The following CARMIL1 variants were observed in gnomAD, a reference collection of about 807,000 sequenced individuals.
CARMIL1 encodes capping protein regulator and myosin 1 linker 1.
Under a neutral mutation model 177.1 loss-of-function variants are expected in CARMIL1, and 90 were observed. The ratio of observed to expected loss-of-function variants is 0.51; its 90% confidence interval spans 0.43 to 0.61. The LOEUF (loss-of-function observed/expected upper bound fraction) is 0.61, where lower values mean the gene tolerates loss of function less well. Among genes scored for constraint, CARMIL1 ranks in the 20% least tolerant of loss-of-function variants. The probability of loss-of-function intolerance (pLI) is 0.00; values close to 1 mark genes in which losing one functional copy is unlikely to be tolerated. For synonymous variants in CARMIL1, 577 were observed against 606.2 expected (o/e 0.95, Z 0.71); for missense variants, 1,380 against 1,667.0 (o/e 0.83, Z 3.00).
intron 29 of CARMIL1, among the ~76,000 whole-genome samples, chr6:25,579,257 A>AGG (rs771739584): frequency 1.9e-5 from 1 of 52,182 alleles, no homozygotes; most frequent in Non-Finnish European, 3.7e-5. Flanking sequence ...ATCAAGAGTC[A>AGG]GGAAAAAAAA....
intron 16 of CARMIL1, among the ~76,000 whole-genome samples, chr6:25,496,435 ACCACTGCCAGCCTGG>A (rs951532468): frequency 2.1e-5 from 3 of 141,164 alleles, no homozygotes; most frequent in African/African-American, 5.2e-5. Flanking sequence ...CTGAGATTGC[ACCACTGCCAGCCTGG>A]CAACAGAGTG....
chr6:25,320,394 C>T lies in CARMIL1; in HGVS notation c.138+35485C>T, dbSNP rs144820944. ...GAGTGGCTGAATAATGTAACAGAGACTTCAGAAGTAAGGAAAATGGTTGTC... is the reference window on the plus strand; with the variant it reads ...GAGTGGCTGAATAATGTAACAGAGATTTCAGAAGTAAGGAAAATGGTTGTC... On this transcript the variant is annotated intron_variant, in intron 2 of 36. Transcript: ENST00000329474. Among the ~76,000 whole-genome samples the T allele has an allele frequency of 2.0e-5, 3 of 152,318 alleles. No homozygotes were observed. In the East Asian group the frequency reaches 5.8e-4, roughly 29 times the overall value.
At chr6:25,613,187 G>A (rs868307326) in intron 36 of CARMIL1, among the ~76,000 whole-genome samples, 1 of 152,156 alleles carries the variant, frequency 6.6e-6, no homozygotes, top group African/African-American at 2.4e-5. Flanking sequence ...ATTGGGGTTA[G>A]GCTTCCTATT....
chr6:25,320,191 T>C (rs1162577582), intron 2 of CARMIL1, among the ~76,000 whole-genome samples: 1 of 152,190 alleles, frequency 6.6e-6, no homozygotes, highest in Non-Finnish European at 1.5e-5. Flanking sequence ...CACCCCTCTG[T>C]CTACATTAGA....
At chr6:25,436,789 ATC>A (rs1181840982) in intron 5 of CARMIL1, among the ~76,000 whole-genome samples, 1 of 152,174 alleles carries the variant, frequency 6.6e-6, no homozygotes, top group African/African-American at 2.4e-5. Flanking sequence ...TTCTCTGATT[ATC>A]AGGGTAGCTG....
At chr6:25,565,409 A>C (rs1811468337) in intron 29 of CARMIL1, among the ~76,000 whole-genome samples, 2 of 152,224 alleles carry the variant, frequency 1.3e-5, no homozygotes, top group Admixed American at 1.3e-4. Context: ...GGGGCTCAGT[A>C]GTCAAGTCTG....
chr6:25,520,439 TAA>T lies in CARMIL1; in HGVS notation c.1968+104_1968+105del, dbSNP rs1806436834. 7 of 680,082 alleles carry T rather than the reference TAA, an allele frequency of 1.0e-5. No individual in the cohort carries two copies. The African/African-American group carries it at 1.1e-4, about 11-fold the overall frequency. The allele number at this position is 680,082 out of a possible 1,614,324, so 42.1% of individuals were successfully genotyped here. ...ACTTTGTTATTTTACGAAGTTTTTT[TAA>T]ATTTTATTTTATTTTTTCACATTGT... On this transcript the variant is annotated intron_variant, in intron 23 of 36. Transcript: ENST00000329474.
intron 2 of CARMIL1, among the ~76,000 whole-genome samples, chr6:25,392,525 C>A (rs1792969635): frequency 6.6e-6 from 1 of 152,194 alleles, no homozygotes; most frequent in Non-Finnish European, 1.5e-5. Flanking sequence ...CTACTTCCTT[C>A]AGCTTTTCCT....
intron 29 of CARMIL1, among the ~76,000 whole-genome samples, chr6:25,560,036 C>A (rs214055): frequency 6.6e-6 from 1 of 151,954 alleles, no homozygotes; most frequent in Admixed American, 6.6e-5. Flanking sequence ...ATAATCCATA[C>A]GATTGATTTC....
Position 25,590,906 on chromosome 6 carries a change from T to G in CARMIL1, c.3007-3509T>G, listed in dbSNP as rs528531725. Among the ~76,000 whole-genome samples the G allele has an allele frequency of 8.4e-4, 128 of 152,336 alleles. 1 individual carries two copies. The highest frequency in any genetic ancestry group is 3.4e-3 in the Middle Eastern group (1 of 294). On this transcript the variant is annotated intron_variant, in intron 31 of 36. Coordinates refer to ENST00000329474, the MANE Select transcript of CARMIL1 (RefSeq NM_017640.6). ...TCTCTTTTTCTAAGAGTCAACTGTT[T>G]TATCAATCCTCTCAAGTTCATTTTT... is the stretch of plus-strand genomic sequence containing the variant.
At chr6:25,428,645 C>A (rs879372391) in intron 4 of CARMIL1, among the ~76,000 whole-genome samples, 1 of 152,114 alleles carries the variant, frequency 6.6e-6, no homozygotes, top group Non-Finnish European at 1.5e-5. Context: ...GTACAGTCTT[C>A]GGACCTAAGA....
intron 2 of CARMIL1, among the ~76,000 whole-genome samples, chr6:25,416,585 G>T (rs1163842660): frequency 1.3e-5 from 2 of 152,192 alleles, no homozygotes; most frequent in African/African-American, 4.8e-5. Context: ...TTCCTTTGAA[G>T]GAAAGTTCAC....
rs1202955103 is a variant in CARMIL1, at chr6:25,594,507, G to A, written c.3099G>A (p.Lys1033=). The change falls in exon 32 of 37, where the codon AAG becomes AAA. Residue 1033 remains lysine, a synonymous_variant. Coordinates refer to ENST00000329474, the MANE Select transcript of CARMIL1 (RefSeq NM_017640.6). The part of the protein sequence containing the change: ...DEGVDEFFTK[K]VTKMDSKKWS... ...GTGTAGATGAATTTTTTACCAAGAA[G>A]GTGACCAAAATGGATTCCAAGTGAG... 6 of 1,609,460 alleles carry A rather than the reference G, an allele frequency of 3.7e-6. No homozygotes were observed. In the African/African-American group the frequency reaches 8.0e-5, roughly 22 times the overall value.
chr6:25,340,537 A>T (rs946062529), intron 2 of CARMIL1, among the ~76,000 whole-genome samples: 2 of 152,194 alleles, frequency 1.3e-5, no homozygotes, highest in African/African-American at 4.8e-5. Flanking sequence ...AGCAGAGTAC[A>T]TAATGCCCAG....
chr6:25,450,441 C>T (rs1269946576), intron 7 of CARMIL1, 32 bp downstream of exon 7: 3 of 1,524,182 alleles, frequency 2.0e-6, no homozygotes, highest in Middle Eastern at 1.7e-4. Context: ...TGCATGAGCA[C>T]ACACACTCCT....
At chr6:25,571,896 G>C (rs761180890) in intron 29 of CARMIL1, among the ~76,000 whole-genome samples, 7 of 152,140 alleles carry the variant, frequency 4.6e-5, no homozygotes, top group Non-Finnish European at 8.8e-5. Flanking sequence ...GGGGAGGGAG[G>C]ATGTGCTAGG....
chr6:25,598,906 C>T (rs960587400), intron 32 of CARMIL1, among the ~76,000 whole-genome samples: 1 of 152,112 alleles, frequency 6.6e-6, no homozygotes, highest in African/African-American at 2.4e-5. Flanking sequence ...AAACTTTGAT[C>T]TCCTGCCTGG....
Position 25,426,551 on chromosome 6 carries a change from G to C in CARMIL1, c.240G>C (p.Lys80Asn), listed in dbSNP as rs1429008777. The C allele has an allele frequency of 6.2e-7, 1 of 1,612,080 alleles. No individual in the cohort carries two copies. Among genetic ancestry groups the C allele is most frequent in the South Asian group, 1.1e-5 (1 of 90,938 alleles). The change falls in exon 4 of 37, where the codon AAG becomes AAC. Residue 80 changes from lysine to asparagine, a missense_variant. Coordinates refer to ENST00000329474, the MANE Select transcript of CARMIL1 (RefSeq NM_017640.6). ...YLEIHGVVCS[K>N]SAQMIVETEK... ...AGATTCATGGCGTCGTTTGCAGCAA[G>C]TCAGCTCAGGTGAGTGTGAAAAATG...
chr6:25,344,735 C>T (rs191224543), intron 2 of CARMIL1, among the ~76,000 whole-genome samples: 2 of 152,256 alleles, frequency 1.3e-5, no homozygotes, highest in African/African-American at 4.8e-5. Flanking sequence ...GAGACTGCCA[C>T]CAGCACACCC....
Sources: allele counts gnomAD v4.1 joint callset (sites outside exome capture counted in the v4.1 genomes callset), GRCh38; gene constraint gnomAD v4.1.1; transcripts MANE v1.5; gene names NCBI Gene and HGNC (gene_info 2026-07-23, HGNC 2026-07-21).